Variants in UHRF2 observed in about 807,000 individuals in gnomAD.
The protein encoded by UHRF2 is ubiquitin like with PHD and ring finger domains 2, also known as E3 ubiquitin-protein ligase UHRF2.
Under a neutral mutation model 96.8 loss-of-function variants are expected in UHRF2, and 23 were observed. That is an observed-to-expected ratio of 0.24 (90% CI 0.17 to 0.34). The LOEUF is 0.34. Ranked by LOEUF, UHRF2 falls within the 10% of genes least tolerant of loss-of-function variation. The probability of loss-of-function intolerance (pLI) is 1.00; values close to 1 mark genes in which losing one functional copy is unlikely to be tolerated. For missense variants in UHRF2, 685 were observed against 981.5 expected (o/e 0.70, Z 4.04); for synonymous variants, 385 against 332.6 (o/e 1.16, Z -1.72).
intron 2 of UHRF2, among the ~76,000 whole-genome samples, chr9:6,428,575 C>CTTTTTTTTTTTTTTTTTTT (rs1820393659): frequency 1.2e-5 from 1 of 81,438 alleles, no homozygotes; most frequent in Non-Finnish European, 2.2e-5. Context: ...TTTTTTTGAA[C>CTTTTTTTTTTTTTTTTTTT]GATCTCATTC....
At chr9:6,500,213 C>T (rs930718507) in intron 13 of UHRF2, among the ~76,000 whole-genome samples, 25 of 152,258 alleles carry the variant, frequency 1.6e-4, no homozygotes, top group Middle Eastern at 3.4e-3. Flanking sequence ...AGGGATCCTC[C>T]TGCCTCAGCC....
At chr9:6,493,752 T>G in intron 9 of UHRF2, 74 bp from the exon 10 acceptor site, 1 of 1,307,070 alleles carries the variant, frequency 7.7e-7, no homozygotes, top group Non-Finnish European at 1.1e-6. Context: ...ATGAAATGTT[T>G]TGACTCTGAA....
chr9:6,466,322 G>C (rs774557720), intron 4 of UHRF2, among the ~76,000 whole-genome samples: 1 of 152,106 alleles, frequency 6.6e-6, no homozygotes, highest in East Asian at 1.9e-4. Context: ...CGGATCACCT[G>C]AAGTCAGGAG....
At chr9:6,431,188 G>A (rs1476270426) in intron 2 of UHRF2, among the ~76,000 whole-genome samples, 3 of 152,114 alleles carry the variant, frequency 2.0e-5, no homozygotes, top group African/African-American at 4.8e-5. Context: ...GACTTAGTAT[G>A]TCTATCCAAT....
At chr9:6,414,220 C>T (rs527861444) in intron 1 of UHRF2, 1 of 152,398 alleles carries the variant, frequency 6.6e-6, no homozygotes, top group Non-Finnish European at 1.5e-5. Context: ...CTTCTGGTCC[C>T]TCTCCCTCGC....
At chr9:6,460,937 ATTC>A (rs1822500163) in intron 4 of UHRF2, 146 bp downstream of exon 4, 2 of 641,382 alleles carry the variant, frequency 3.1e-6, no homozygotes, top group Non-Finnish European at 2.5e-6. Context: ...ATTTTTATAA[ATTC>A]TTAAGAATTT....
At chr9:6,478,106 G>C (rs1823695965) in intron 6 of UHRF2, among the ~76,000 whole-genome samples, 1 of 152,124 alleles carries the variant, frequency 6.6e-6, no homozygotes, top group Non-Finnish European at 1.5e-5. Flanking sequence ...TGCCTTACAG[G>C]AGGACCCTGT....
At chr9:6,428,552 T>TTTTG (rs1820389246) in intron 2 of UHRF2, among the ~76,000 whole-genome samples, 1 of 118,140 alleles carries the variant, frequency 8.5e-6, no homozygotes, top group African/African-American at 3.5e-5. Context: ...TTTTTTTTTT[T>TTTTG]TTTTTTTTTT....
At chr9:6,446,889 TG>T (rs1287540337) in intron 3 of UHRF2, among the ~76,000 whole-genome samples, 1 of 151,820 alleles carries the variant, frequency 6.6e-6, no homozygotes, top group Non-Finnish European at 1.5e-5. Flanking sequence ...GTTTTATTTT[TG>T]GCATACTTTT....
chr9:6,430,263 G>A (rs1291597378), intron 2 of UHRF2, among the ~76,000 whole-genome samples: 1 of 152,178 alleles, frequency 6.6e-6, no homozygotes, highest in Admixed American at 6.5e-5. Context: ...ATCCACCCTG[G>A]CCCCCTAAAC....
chr9:6,420,455 C>A (rs1047216507), intron 1 of UHRF2, among the ~76,000 whole-genome samples: 3 of 150,788 alleles, frequency 2.0e-5, no homozygotes, highest in African/African-American at 4.9e-5. Context: ...GTAATCCCAG[C>A]ACTTTGGGAG....
intron 2 of UHRF2, chr9:6,422,602 C>A: frequency 1.7e-6 from 1 of 591,998 alleles, no homozygotes. Context: ...TTGACTTCTC[C>A]ATTAACTTAG....
In UHRF2 at chr9:6,421,002, G is replaced by GGCAC; in HGVS notation, c.245_248dup (p.Ser84HisfsTer6). 1 of 1,613,504 alleles carries GGCAC rather than the reference G, an allele frequency of 6.2e-7. No individual in the cohort carries two copies. The highest frequency in any genetic ancestry group is 8.5e-7 in the Non-Finnish European group (1 of 1,179,860). Reference sequence around the variant, plus strand: ...TCGCCCAGACCCTGATCATCTTCCTGGCACATCTACACAGATTGAGGCTAA... The same window carrying GGCAC: ...TCGCCCAGACCCTGATCATCTTCCTGGCACGCACATCTACACAGATTGAGGCTAA... On this transcript the variant is annotated frameshift_variant, in exon 2 of 16. Coordinates refer to ENST00000276893, the MANE Select transcript of UHRF2 (RefSeq NM_152896.3). LOFTEE classifies it high-confidence loss of function.
intron 3 of UHRF2, among the ~76,000 whole-genome samples, chr9:6,453,305 T>A (rs145379225): frequency 0.012 from 1,832 of 152,286 alleles, 30 homozygotes; most frequent in African/African-American, 0.038. Context: ...TTGACAGAGT[T>A]AGGTTAATGG....
At chr9:6,470,632 T>C (rs1823187729) in intron 4 of UHRF2, among the ~76,000 whole-genome samples, 1 of 152,090 alleles carries the variant, frequency 6.6e-6, no homozygotes, top group Admixed American at 6.6e-5. Context: ...CTTTAAAATA[T>C]ACATAGAAAA....
At chr9:6,436,472 T>C (rs1432899905) in intron 3 of UHRF2, among the ~76,000 whole-genome samples, 1 of 152,196 alleles carries the variant, frequency 6.6e-6, no homozygotes, top group Non-Finnish European at 1.5e-5. Flanking sequence ...ATAAGTAGAA[T>C]GTTTTAAGTT....
chr9:6,442,990 TTAG>T (rs1821268289), intron 3 of UHRF2, among the ~76,000 whole-genome samples: 2 of 152,334 alleles, frequency 1.3e-5, no homozygotes, highest in Non-Finnish European at 1.5e-5. Context: ...TTTATTTAAC[TTAG>T]TGGTCTAATT....
At chr9:6,439,701 T>G (rs1281496281) in intron 3 of UHRF2, among the ~76,000 whole-genome samples, 2 of 152,200 alleles carry the variant, frequency 1.3e-5, no homozygotes, top group Non-Finnish European at 2.9e-5. Context: ...AATTATTAAA[T>G]TTAAACTCTA....
intron 10 of UHRF2, chr9:6,494,477 G>A (rs1354695671): frequency 1.3e-5 from 2 of 152,042 alleles, no homozygotes; most frequent in African/African-American, 4.8e-5. Context: ...ATCCCCTTAA[G>A]ACATTACAAA....
Sources: gnomAD v4.1 joint callset for allele counts (sites outside exome capture counted in the v4.1 genomes callset) on GRCh38, gnomAD v4.1.1 for gene constraint, MANE v1.5 for transcripts, NCBI Gene and HGNC (gene_info 2026-07-23, HGNC 2026-07-21) for gene names.